Variants in FAM13C observed in about 807,000 individuals in gnomAD.
FAM13C encodes the protein protein FAM13C.
FAM13C carries 37 observed loss-of-function variants against 73.2 expected under a neutral mutation model. The ratio of observed to expected loss-of-function variants is 0.51; its 90% confidence interval spans 0.39 to 0.67. The LOEUF is 0.67. FAM13C is among the 30% of genes least tolerant of loss of function. The pLI, the probability that FAM13C is intolerant of heterozygous loss-of-function variation, is 0.00. For missense variants in FAM13C, 589 were observed against 715.6 expected (o/e 0.82, Z 2.02); for synonymous variants, 246 against 260.9 (o/e 0.94, Z 0.55).
chr10:59,309,318 T>C (rs1415855120), intron 4 of FAM13C, among the ~76,000 whole-genome samples: 3 of 152,102 alleles, frequency 2.0e-5, no homozygotes, highest in Non-Finnish European at 2.9e-5. Flanking sequence ...GTCTCCCTAC[T>C]TCCCCTCTAC....
intron 6 of FAM13C, 162 bp from the exon 7 acceptor site, chr10:59,270,271 T>C (rs1843562755): frequency 1.4e-6 from 1 of 691,260 alleles, no homozygotes; most frequent in Admixed American, 3.1e-5. Context: ...TCATGTTTAT[T>C]CTCACAGAAC....
At chr10:59,324,899 AAC>A (rs1850881818) in intron 3 of FAM13C, among the ~76,000 whole-genome samples, 1 of 150,688 alleles carries the variant, frequency 6.6e-6, no homozygotes. Flanking sequence ...AAACACAATA[AAC>A]ACACCAAAAC....
chr10:59,299,450 T>C (rs1046863490), intron 5 of FAM13C, among the ~76,000 whole-genome samples: 2 of 151,926 alleles, frequency 1.3e-5, no homozygotes, highest in African/African-American at 4.8e-5. Context: ...AAGAAGTTGA[T>C]GTGGTGCTCT....
intron 3 of FAM13C, among the ~76,000 whole-genome samples, chr10:59,344,846 A>G (rs978183140): frequency 6.6e-6 from 1 of 152,110 alleles, no homozygotes; most frequent in Non-Finnish European, 1.5e-5. Flanking sequence ...GGAGTTTATT[A>G]AAGGAAACTT....
chr10:59,300,052 G>A (rs284597), intron 5 of FAM13C, among the ~76,000 whole-genome samples: 87,757 of 151,852 alleles, frequency 0.58, 26,487 homozygotes, highest in Admixed American at 0.67. Flanking sequence ...TGAGCTCTTC[G>A]GCCCACTAGG....
At position 59,265,335 on chromosome 10, in the gene FAM13C, G is replaced by GGGCGGA. The variant is rs78422182; in HGVS notation, c.943-1170_943-1169insTCCGCC. ...AAGGGGTTTTGGCGGGGGGGGGGGG[G>GGGCGGA]AATCCTGGTTTCAGGACCATGGACA... On this transcript the variant is annotated intron_variant, in intron 8 of 13. Coordinates refer to ENST00000618804, the MANE Select transcript of FAM13C (RefSeq NM_198215.4). Among the ~76,000 whole-genome samples the GGGCGGA allele has an allele frequency of 4.0e-3, 64 of 16,052 alleles. 11 individuals carry two copies. The highest frequency in any genetic ancestry group is 0.015 in the African/African-American group (51 of 3,494). The allele number at this position is 16,052 out of a possible 152,430, so 10.5% of individuals were successfully genotyped here.
At chr10:59,358,506 C>T (rs1043623105) in intron 1 of FAM13C, among the ~76,000 whole-genome samples, 1 of 152,230 alleles carries the variant, frequency 6.6e-6, no homozygotes, top group Non-Finnish European at 1.5e-5. Flanking sequence ...TAGCAGCATT[C>T]AGCTAATAGA....
intron 6 of FAM13C, among the ~76,000 whole-genome samples, chr10:59,274,426 A>G (rs1238878074): frequency 6.6e-6 from 1 of 152,138 alleles, no homozygotes; most frequent in East Asian, 1.9e-4. Context: ...ATGAGGGCAG[A>G]TGAAAAGGGA....
chr10:59,247,533 A>G lies in FAM13C; in HGVS notation c.*81T>C, dbSNP rs1397770097. ...AAGTGCTTCCATTTTCATTGTGTCA[A>G]AACTACTTAGCAAGGATGGCAGAGG... is the stretch of plus-strand genomic sequence containing the variant. On this transcript the variant is annotated 3_prime_UTR_variant, in exon 14 of 14. Transcript: ENST00000618804. 3.8e-6 allele frequency: 6 copies of G among 1,579,182 alleles called. No homozygotes were observed. The highest frequency in any genetic ancestry group is 1.7e-5 in the Admixed American group (1 of 57,850).
intron 5 of FAM13C, among the ~76,000 whole-genome samples, chr10:59,285,560 A>T (rs1845454793): frequency 6.6e-6 from 1 of 152,224 alleles, no homozygotes; most frequent in Non-Finnish European, 1.5e-5. Context: ...TTAAAAATAG[A>T]ATTACCATAT....
At chr10:59,337,362 C>T (rs1852852012) in intron 3 of FAM13C, among the ~76,000 whole-genome samples, 1 of 152,192 alleles carries the variant, frequency 6.6e-6, no homozygotes, top group Non-Finnish European at 1.5e-5. Context: ...CCTTTAGCTG[C>T]AGAAGTAAAG....
chr10:59,262,264 T>C (rs562637352), intron 10 of FAM13C, among the ~76,000 whole-genome samples, 170 bp downstream of exon 10: 3 of 152,296 alleles, frequency 2.0e-5, no homozygotes, highest in Admixed American at 1.3e-4. Flanking sequence ...CCTGGCATCA[T>C]GTGGCACTAC....
chr10:59,362,311 G>C, intron 1 of FAM13C, 88 bp downstream of exon 1: 1 of 1,537,136 alleles, frequency 6.5e-7, no homozygotes, highest in South Asian at 1.2e-5. Context: ...AAAACGAACA[G>C]CGGCTGGGAA....
chr10:59,327,129 A>C (rs555194414), intron 3 of FAM13C, among the ~76,000 whole-genome samples: 1 of 152,284 alleles, frequency 6.6e-6, no homozygotes, highest in South Asian at 2.1e-4. Flanking sequence ...ACAGCCTGGC[A>C]TGTAACAACA....
chr10:59,321,811 G>A (rs181817039), intron 4 of FAM13C, among the ~76,000 whole-genome samples: 125 of 152,054 alleles, frequency 8.2e-4, no homozygotes, highest in Non-Finnish European at 3.1e-4. Context: ...CTACTCCTTC[G>A]AGTCTCACCA....
chr10:59,309,482 T>C (rs1209830868), intron 4 of FAM13C, among the ~76,000 whole-genome samples: 1 of 152,216 alleles, frequency 6.6e-6, no homozygotes, highest in Non-Finnish European at 1.5e-5. Flanking sequence ...TCTCCCTCTC[T>C]GAACTCCAGC....
intron 5 of FAM13C, among the ~76,000 whole-genome samples, chr10:59,284,704 T>C (rs1220941429): frequency 6.8e-6 from 1 of 147,540 alleles, no homozygotes; most frequent in African/African-American, 2.5e-5. Context: ...CCCCATACTC[T>C]CATCCCTACT....
chr10:59,272,125 A>G (rs1202081187), intron 6 of FAM13C, among the ~76,000 whole-genome samples: 2 of 152,222 alleles, frequency 1.3e-5, no homozygotes, highest in Non-Finnish European at 2.9e-5. Flanking sequence ...CTGCATTGCA[A>G]CAGTAATTGT....
chr10:59,306,509 T>A (rs2133894605), intron 4 of FAM13C, among the ~76,000 whole-genome samples: 1 of 152,248 alleles, frequency 6.6e-6, no homozygotes, highest in Middle Eastern at 3.4e-3. Flanking sequence ...TAAATGATGA[T>A]AAAGCTAATG....
Sources: gnomAD v4.1 joint callset for allele counts (sites outside exome capture counted in the v4.1 genomes callset) on GRCh38, gnomAD v4.1.1 for gene constraint, MANE v1.5 for transcripts, NCBI Gene and HGNC (gene_info 2026-07-23, HGNC 2026-07-21) for gene names.